The following GPC6 variants were observed in gnomAD, a reference collection of about 807,000 sequenced individuals.
GPC6 encodes glypican 6.
A neutral mutation model predicts 55.2 loss-of-function variants in GPC6; 14 were observed. That is an observed-to-expected ratio of 0.25 (90% CI 0.17 to 0.40). GPC6 has a LOEUF of 0.40. Among genes scored for constraint, GPC6 ranks in the 10% least tolerant of loss-of-function variants. GPC6 has a pLI of 1.00. For synonymous variants in GPC6, 278 were observed against 259.6 expected (o/e 1.07, Z -0.68); for missense variants, 641 against 708.5 (o/e 0.90, Z 1.08).
intron 2 of GPC6, 56 bp downstream of exon 2, chr13:93,545,477 C>T: frequency 1.4e-6 from 2 of 1,381,806 alleles, no homozygotes; most frequent in Non-Finnish European, 2.1e-6. Flanking sequence ...CTATGAGAAT[C>T]TTGGTATCAT....
chr13:93,802,814 A>ATC (rs1886420497), intron 2 of GPC6, among the ~76,000 whole-genome samples: 4 of 152,210 alleles, frequency 2.6e-5, no homozygotes, highest in Non-Finnish European at 5.9e-5. Context: ...CAGACTAGAG[A>ATC]AACACCTGAG....
chr13:93,750,937 C>T (rs891896771), intron 2 of GPC6, among the ~76,000 whole-genome samples: 7 of 152,050 alleles, frequency 4.6e-5, no homozygotes, highest in African/African-American at 1.2e-4. Flanking sequence ...CAGGGGAATC[C>T]GGAGAGGTCT....
At chr13:93,503,765 A>G (rs956582620) in intron 1 of GPC6, among the ~76,000 whole-genome samples, 1 of 152,196 alleles carries the variant, frequency 6.6e-6, no homozygotes, top group African/African-American at 2.4e-5. Flanking sequence ...TCTATCAGAA[A>G]GAGAAAAGTG....
At chr13:94,091,583 T>C (rs1277966078) in intron 4 of GPC6, among the ~76,000 whole-genome samples, 1 of 152,166 alleles carries the variant, frequency 6.6e-6, no homozygotes, top group Non-Finnish European at 1.5e-5. Context: ...ATTAGAAATA[T>C]AATCAGATGT....
Position 94,164,077 on chromosome 13 carries a change from A to G in GPC6, c.878-122272A>G, listed in dbSNP as rs147518000. Reference sequence around the variant, plus strand: ...AACAAAGAAGAAAAATAAAGCACTTACAAGACTTTAGATCACTGACCACCT... The same window carrying G: ...AACAAAGAAGAAAAATAAAGCACTTGCAAGACTTTAGATCACTGACCACCT... On this transcript the variant is annotated intron_variant, in intron 4 of 8. Coordinates refer to ENST00000377047, the MANE Select transcript of GPC6 (RefSeq NM_005708.5). Among the ~76,000 whole-genome samples the G allele has an allele frequency of 3.9e-5, 6 of 152,338 alleles. No homozygotes were observed. The East Asian group carries it at 1.2e-3, about 29-fold the overall frequency.
chr13:93,924,212 G>A (rs906813388), intron 3 of GPC6, among the ~76,000 whole-genome samples: 10 of 152,168 alleles, frequency 6.6e-5, no homozygotes, highest in African/African-American at 2.2e-4. Context: ...AGTATGTATG[G>A]CTCTCCTTTG....
Position 94,339,751 on chromosome 13 carries a change from C to CTTTTTTTTTTTTTTTT in GPC6, c.1152+33642_1152+33657dup, listed in dbSNP as rs56074677. Among the ~76,000 whole-genome samples the CTTTTTTTTTTTTTTTT allele has an allele frequency of 7.8e-5, 5 of 63,794 alleles. 2 individuals carry two copies. Among genetic ancestry groups the CTTTTTTTTTTTTTTTT allele is most frequent in the East Asian group, 4.3e-4 (1 of 2,314 alleles). The allele number at this position is 63,794 out of a possible 152,430, so 41.9% of individuals were successfully genotyped here. A position where few individuals can be genotyped will look rare whatever the true frequency, so the allele number is the denominator to read the frequency against. ...TTAAGTCTGCAACCTGCATACTTTC[C>CTTTTTTTTTTTTTTTT]TTTTTTTTTTTTTTTTTTTTTTTTT... On this transcript the variant is annotated intron_variant, in intron 6 of 8. Coordinates refer to ENST00000377047, the MANE Select transcript of GPC6 (RefSeq NM_005708.5).
Position 94,195,446 on chromosome 13 carries a change from G to A in GPC6, c.878-90903G>A, listed in dbSNP as rs7336842. On this transcript the variant is annotated intron_variant, in intron 4 of 8. Coordinates refer to ENST00000377047, the MANE Select transcript of GPC6 (RefSeq NM_005708.5). ...TATTATGGTTTTAAATAATAAAATCGATTGTTTCAAATCATGTGCCATATC... is the reference window on the plus strand; with the variant it reads ...TATTATGGTTTTAAATAATAAAATCAATTGTTTCAAATCATGTGCCATATC... 4.7e-3 allele frequency among the ~76,000 whole-genome samples: 717 copies of A among 152,232 alleles called. 5 individuals are homozygous for A. Among genetic ancestry groups the A allele is most frequent in the African/African-American group, 0.016 (685 of 41,534 alleles).
In GPC6 at chr13:94,107,117, C is replaced by T. The variant is rs370214127; in HGVS notation, c.877+79223C>T. ...GGTGCACCGTGTTTTGGGGCCGGGT[C>T]ATGAGGACTCTCAGCTCAGAGGAAG... On this transcript the variant is annotated intron_variant, in intron 4 of 8. Coordinates refer to ENST00000377047, the MANE Select transcript of GPC6 (RefSeq NM_005708.5). Among the ~76,000 whole-genome samples, 7 of 152,190 alleles carry T rather than the reference C, an allele frequency of 4.6e-5. No individual in the cohort carries two copies. In the East Asian group the frequency reaches 1.4e-3, roughly 29 times the overall value.
At chr13:93,832,541 T>C (rs550417460) in intron 3 of GPC6, among the ~76,000 whole-genome samples, 1 of 152,242 alleles carries the variant, frequency 6.6e-6, no homozygotes, top group East Asian at 1.9e-4. Flanking sequence ...TGTTTAGATG[T>C]GTGTATTATG....
intron 2 of GPC6, among the ~76,000 whole-genome samples, chr13:93,821,717 G>T (rs1458263696): frequency 6.6e-6 from 1 of 152,118 alleles, no homozygotes; most frequent in Non-Finnish European, 1.5e-5. Context: ...TATGTGATCA[G>T]CTTTTTTTGT....
chr13:93,586,542 G>A (rs1462919114), intron 2 of GPC6, among the ~76,000 whole-genome samples: 1 of 152,130 alleles, frequency 6.6e-6, no homozygotes, highest in African/African-American at 2.4e-5. Flanking sequence ...AAATGGTGCT[G>A]GGATAACTGG....
chr13:94,372,366 C>T (rs1278378911), intron 6 of GPC6, among the ~76,000 whole-genome samples: 4 of 151,856 alleles, frequency 2.6e-5, no homozygotes, highest in Non-Finnish European at 4.4e-5. Flanking sequence ...GCACCGTGCG[C>T]GAGCCGAAGC....
At chr13:94,044,093 C>T (rs895934821) in intron 4 of GPC6, among the ~76,000 whole-genome samples, 59 of 151,690 alleles carry the variant, frequency 3.9e-4, no homozygotes, top group African/African-American at 1.4e-3. Context: ...CTATGTCCCC[C>T]CACCTTTATC....
intron 1 of GPC6, among the ~76,000 whole-genome samples, chr13:93,467,308 C>T (rs1354461494): frequency 2.0e-5 from 3 of 152,166 alleles, no homozygotes; most frequent in Non-Finnish European, 4.4e-5. Context: ...ATGAATTACA[C>T]ATACCAGATG....
intron 2 of GPC6, among the ~76,000 whole-genome samples, chr13:93,810,539 T>G (rs776601054): frequency 1.2e-4 from 18 of 152,192 alleles, no homozygotes; most frequent in Non-Finnish European, 1.9e-4. Flanking sequence ...TGACATTTTC[T>G]TGTGGGAGAG....
At chr13:94,240,146 C>T (rs1891009823) in intron 4 of GPC6, among the ~76,000 whole-genome samples, 1 of 152,002 alleles carries the variant, frequency 6.6e-6, no homozygotes, top group Non-Finnish European at 1.5e-5. Flanking sequence ...AAAAGTTCCC[C>T]CTCTCCTGCC....
At chr13:93,902,376 A>C (rs544171110) in intron 3 of GPC6, among the ~76,000 whole-genome samples, 1 of 152,290 alleles carries the variant, frequency 6.6e-6, no homozygotes, top group East Asian at 1.9e-4. Context: ...TCTGTAGATA[A>C]CAGGATTTCA....
intron 1 of GPC6, among the ~76,000 whole-genome samples, chr13:93,265,972 A>G (rs1235066022): frequency 6.6e-6 from 1 of 152,096 alleles, no homozygotes; most frequent in Non-Finnish European, 1.5e-5. Flanking sequence ...GAGTGTTTAT[A>G]TAACAGAAAT....
Sources: gnomAD v4.1 joint callset for allele counts (sites outside exome capture counted in the v4.1 genomes callset) on GRCh38, gnomAD v4.1.1 for gene constraint, MANE v1.5 for transcripts, NCBI Gene and HGNC (gene_info 2026-07-23, HGNC 2026-07-21) for gene names.